The following RAD51B variants were observed in gnomAD, a reference collection of about 807,000 sequenced individuals.
RAD51B encodes RAD51 paralog B.
A neutral mutation model predicts 42.2 loss-of-function variants in RAD51B; 38 were observed. That is an observed-to-expected ratio of 0.90 (90% CI 0.70 to 1.18). The LOEUF (loss-of-function observed/expected upper bound fraction) is 1.18. Ranked by LOEUF, RAD51B falls within the 50% of genes most tolerant of loss-of-function variation. The pLI, the probability that RAD51B is intolerant of heterozygous loss-of-function variation, is 0.00. For missense variants in RAD51B, 373 were observed against 400.7 expected (o/e 0.93, Z 0.59); for synonymous variants, 154 against 145.2 (o/e 1.06, Z -0.43).
At chr14:67,912,974 G>T (rs1409811605) in intron 7 of RAD51B, among the ~76,000 whole-genome samples, 1 of 152,158 alleles carries the variant, frequency 6.6e-6, no homozygotes, top group African/African-American at 2.4e-5. Context: ...AAAGTGCTGG[G>T]ATTACAGGCG....
intron 11 of RAD51B, among the ~76,000 whole-genome samples, chr14:68,668,908 G>C (rs577752410): frequency 6.6e-6 from 1 of 152,246 alleles, no homozygotes; most frequent in Non-Finnish European, 1.5e-5. Context: ...ATTGAACCAA[G>C]ATGGGTTTTC....
intron 9 of RAD51B, among the ~76,000 whole-genome samples, chr14:68,419,738 T>C (rs2084652082): frequency 6.6e-6 from 1 of 152,224 alleles, no homozygotes; most frequent in Non-Finnish European, 1.5e-5. Flanking sequence ...TGTCTGATCT[T>C]GCGAGCATGG....
chr14:68,527,146 G>T (rs1020233641), intron 10 of RAD51B, among the ~76,000 whole-genome samples: 2 of 152,198 alleles, frequency 1.3e-5, no homozygotes, highest in African/African-American at 4.8e-5. Flanking sequence ...AACAAAAAAC[G>T]AAACAAAATG....
chr14:68,222,919 C>T (rs977237725), intron 7 of RAD51B, among the ~76,000 whole-genome samples: 5 of 152,256 alleles, frequency 3.3e-5, no homozygotes, highest in East Asian at 1.9e-4. Flanking sequence ...TTTATTCCTG[C>T]GGATGCACAC....
intron 9 of RAD51B, among the ~76,000 whole-genome samples, chr14:68,446,594 T>C (rs1359782658): frequency 6.6e-6 from 1 of 152,182 alleles, no homozygotes; most frequent in Non-Finnish European, 1.5e-5. Context: ...AAGCCCAGAA[T>C]TTTGCTGAAC....
At chr14:68,389,880 C>A (rs74544219) in intron 8 of RAD51B, among the ~76,000 whole-genome samples, 1 of 152,062 alleles carries the variant, frequency 6.6e-6, no homozygotes. Flanking sequence ...CCAAGTTGGG[C>A]CTCTTGTTTC....
chr14:68,128,647 A>G (rs2077822720), intron 7 of RAD51B, among the ~76,000 whole-genome samples: 1 of 152,158 alleles, frequency 6.6e-6, no homozygotes. Flanking sequence ...AGCCCAAATC[A>G]TGCTGCTGCA....
chr14:68,185,745 A>G (rs56801190), intron 7 of RAD51B, among the ~76,000 whole-genome samples: 2,208 of 152,264 alleles, frequency 0.015, 55 homozygotes, highest in African/African-American at 0.05. Flanking sequence ...TAAAGAGCAC[A>G]CAACCTAGAT....
chr14:68,406,736 T>C (rs573617843), intron 8 of RAD51B, among the ~76,000 whole-genome samples: 2 of 152,388 alleles, frequency 1.3e-5, no homozygotes, highest in South Asian at 4.1e-4. Context: ...ATTTTTTAAC[T>C]TTTTGATCTT....
chr14:68,229,126 A>G (rs2080097715), intron 7 of RAD51B, among the ~76,000 whole-genome samples: 1 of 152,236 alleles, frequency 6.6e-6, no homozygotes, highest in African/African-American at 2.4e-5. Context: ...ACCTAGCTTC[A>G]TATCTATGAA....
At chr14:68,119,617 T>C (rs1164670993) in intron 7 of RAD51B, among the ~76,000 whole-genome samples, 1 of 149,544 alleles carries the variant, frequency 6.7e-6, no homozygotes, top group Non-Finnish European at 1.5e-5. Context: ...TGATTTCCAA[T>C]TTCATCCATG....
intron 8 of RAD51B, among the ~76,000 whole-genome samples, chr14:68,303,967 C>T (rs1249755396): frequency 2.0e-5 from 3 of 152,096 alleles, no homozygotes; most frequent in Non-Finnish European, 2.9e-5. Flanking sequence ...GCCAGGAGTT[C>T]AAGACCAGCC....
chr14:68,452,721 C>G (rs1249359568), intron 9 of RAD51B, among the ~76,000 whole-genome samples: 1 of 151,698 alleles, frequency 6.6e-6, no homozygotes, highest in East Asian at 1.9e-4. Context: ...ACTAATATTT[C>G]TCAGGTTCCT....
chr14:68,305,175 T>G lies in RAD51B; in HGVS notation c.853+13195T>G, dbSNP rs569153456. On this transcript the variant is annotated intron_variant, in intron 8 of 10. Transcript: ENST00000471583. ...TAGTTCAAATTTCTCCCTTCCTTGT[T>G]TTTACTGCAGAACTCTTTACTGTCC... Among the ~76,000 whole-genome samples the G allele has an allele frequency of 3.9e-5, 6 of 152,346 alleles. No homozygotes were observed. In the East Asian group the frequency reaches 1.2e-3, roughly 29 times the overall value.
At chr14:68,072,366 A>G (rs1358061669) in intron 7 of RAD51B, among the ~76,000 whole-genome samples, 7 of 151,746 alleles carry the variant, frequency 4.6e-5, no homozygotes. Context: ...CTGAGGAGCA[A>G]GGAGAGTGAG....
intron 7 of RAD51B, among the ~76,000 whole-genome samples, chr14:67,924,559 T>TA (rs1390797793): frequency 3.3e-5 from 5 of 152,150 alleles, no homozygotes; most frequent in Non-Finnish European, 7.3e-5. Flanking sequence ...AGTCATGTCT[T>TA]ACATGGAATG....
At chr14:68,329,099 C>T (rs1488740792) in intron 8 of RAD51B, among the ~76,000 whole-genome samples, 1 of 152,176 alleles carries the variant, frequency 6.6e-6, no homozygotes, top group African/African-American at 2.4e-5. Context: ...ACTTCACACT[C>T]CTAGGCTCAA....
intron 10 of RAD51B, among the ~76,000 whole-genome samples, chr14:68,534,150 G>A (rs1189395962): frequency 1.3e-5 from 2 of 152,136 alleles, no homozygotes; most frequent in Admixed American, 1.3e-4. Context: ...AATGGTGGTC[G>A]GCGTATAACA....
intron 7 of RAD51B, among the ~76,000 whole-genome samples, chr14:67,955,348 A>G (rs1315318465): frequency 6.6e-6 from 1 of 152,214 alleles, no homozygotes; most frequent in Non-Finnish European, 1.5e-5. Flanking sequence ...CAAAAAGCCA[A>G]TATGCACTTA....
Sources: allele counts gnomAD v4.1 joint callset (sites outside exome capture counted in the v4.1 genomes callset), GRCh38; gene constraint gnomAD v4.1.1; transcripts MANE v1.5; gene names NCBI Gene and HGNC (gene_info 2026-07-23, HGNC 2026-07-21).